UTS2: variants seen among roughly 807,000 people sequenced by gnomAD.
The protein encoded by UTS2 is urotensin-2.
Under a neutral mutation model 12.6 loss-of-function variants are expected in UTS2, and 10 were observed. The observed-to-expected ratio is 0.80, with a 90% CI of 0.49 to 1.35. UTS2 has a LOEUF of 1.35. Among genes scored for constraint, UTS2 ranks in the 40% most tolerant of loss-of-function variants. UTS2 has a pLI of 0.00. For synonymous variants in UTS2, 52 were observed against 50.0 expected (o/e 1.04, Z -0.17); for missense variants, 142 against 143.2 (o/e 0.99, Z 0.04).
the UTS2 span, among the ~76,000 whole-genome samples, chr1:7,891,979 G>A: frequency 2.6e-5 from 4 of 152,126 alleles, no homozygotes; most frequent in East Asian, 1.9e-4. Flanking sequence ...AGTTTCACAC[G>A]TGTATACACA....
At chr1:7,869,014 G>T in the UTS2 span, among the ~76,000 whole-genome samples, 2 of 152,312 alleles carry the variant, frequency 1.3e-5, no homozygotes, top group Middle Eastern at 3.4e-3. Context: ...TGTGAGAAAT[G>T]AATGTCTGTT....
chr1:7,860,990 C>T, the UTS2 span, among the ~76,000 whole-genome samples: 1 of 144,886 alleles, frequency 6.9e-6, no homozygotes, highest in Admixed American at 7.2e-5. Context: ...TGCACTGAGC[C>T]GAGATCACAC....
chr1:7,880,103 T>TA, the UTS2 span, among the ~76,000 whole-genome samples: 2 of 151,246 alleles, frequency 1.3e-5, 1 homozygote, highest in South Asian at 4.2e-4. Flanking sequence ...TAAAAAATTC[T>TA]AAAAAATAGG....
At chr1:7,849,532 G>T (rs909260455) in intron 3 of UTS2, 108 bp downstream of exon 3, 1 of 1,004,454 alleles carries the variant, frequency 1.0e-6, no homozygotes, top group Non-Finnish European at 1.5e-6. Flanking sequence ...TTATTTTAAG[G>T]TGTGGTTTCC....
chr1:7,849,553 C>T (rs919248850), intron 3 of UTS2, 87 bp downstream of exon 3: 25 of 1,213,792 alleles, frequency 2.1e-5, no homozygotes, highest in Non-Finnish European at 2.8e-5. Context: ...ACCAAGAACA[C>T]TCCTCTAGTT....
At chr1:7,891,743 AT>A in the UTS2 span, among the ~76,000 whole-genome samples, 1 of 152,116 alleles carries the variant, frequency 6.6e-6, no homozygotes, top group Non-Finnish European at 1.5e-5. Context: ...AACATGTACA[AT>A]TTTTGTCAAT....
At chr1:7,857,545 A>AT (rs982539031), upstream of UTS2, among the ~76,000 whole-genome samples, 1 of 151,448 alleles carries the variant, frequency 6.6e-6, no homozygotes. Flanking sequence ...AAATAAAGGG[A>AT]TTTTTTTCTT....
the UTS2 span, among the ~76,000 whole-genome samples, chr1:7,863,032 T>TGTATTGTATTGTA: frequency 3.7e-5 from 1 of 27,080 alleles, no homozygotes; most frequent in Non-Finnish European, 9.7e-5. Context: ...TGTATTGTAT[T>TGTATTGTATTGTA]GTATTGTATT....
the UTS2 span, among the ~76,000 whole-genome samples, chr1:7,892,372 C>T: frequency 1.3e-5 from 2 of 151,826 alleles, no homozygotes; most frequent in Admixed American, 1.3e-4. Context: ...GGGCCGCCTG[C>T]ATTCGTGGGC....
At chr1:7,855,064 G>A (rs888959322), upstream of UTS2, among the ~76,000 whole-genome samples, 2 of 151,862 alleles carry the variant, frequency 1.3e-5, no homozygotes, top group Non-Finnish European at 2.9e-5. Context: ...GGGAGGCTGA[G>A]GCAGGAGAAT....
the UTS2 span, among the ~76,000 whole-genome samples, chr1:7,898,654 T>A: frequency 3.0e-4 from 45 of 151,954 alleles, no homozygotes; most frequent in African/African-American, 8.9e-4. Context: ...TTTTTTGTAT[T>A]TTTTAGTAGA....
At chr1:7,912,447 C>T in the UTS2 span, among the ~76,000 whole-genome samples, 1 of 124,254 alleles carries the variant, frequency 8.0e-6, no homozygotes, top group Non-Finnish European at 1.9e-5. Flanking sequence ...ACACGCAAAT[C>T]CCCCTTTTCT....
At chr1:7,889,519 A>T in the UTS2 span, among the ~76,000 whole-genome samples, 2 of 151,568 alleles carry the variant, frequency 1.3e-5, no homozygotes, top group Non-Finnish European at 2.9e-5. Context: ...TATGAGAAAG[A>T]TCCGGCCAGG....
chr1:7,853,337 G>C, upstream of UTS2: 1 of 1,614,118 alleles, frequency 6.2e-7, no homozygotes, highest in Non-Finnish European at 8.5e-7. Flanking sequence ...AGGAAGGCTT[G>C]GATATGAGTT....
At chr1:7,893,943 G>A in the UTS2 span, among the ~76,000 whole-genome samples, 1 of 152,298 alleles carries the variant, frequency 6.6e-6, no homozygotes, top group East Asian at 1.9e-4. Context: ...ACCGTAGAGT[G>A]AGTCAGAGGC....
At chr1:7,906,520 G>A in the UTS2 span, among the ~76,000 whole-genome samples, 1 of 102,404 alleles carries the variant, frequency 9.8e-6, no homozygotes, top group Non-Finnish European at 2.2e-5. Flanking sequence ...AAGAGGGAGG[G>A]AGGGAGGGGA....
the UTS2 span, among the ~76,000 whole-genome samples, chr1:7,884,951 A>G: frequency 6.8e-6 from 1 of 146,752 alleles, no homozygotes; most frequent in Non-Finnish European, 1.5e-5. Context: ...TCATCCATCC[A>G]TCCATCCATA....
the UTS2 span, among the ~76,000 whole-genome samples, chr1:7,864,664 T>C: frequency 6.6e-6 from 1 of 152,226 alleles, no homozygotes; most frequent in Non-Finnish European, 1.5e-5. Context: ...AATCATGTAC[T>C]GTCCCCCTAA....
chr1:7,856,313 C>A (rs759379946), upstream of UTS2, among the ~76,000 whole-genome samples: 76 of 152,208 alleles, frequency 5.0e-4, no homozygotes, highest in Non-Finnish European at 9.6e-4. Context: ...CATTAACATA[C>A]GCTGTAGGAA....
Sources: allele counts gnomAD v4.1 joint callset (sites outside exome capture counted in the v4.1 genomes callset), GRCh38; gene constraint gnomAD v4.1.1; transcripts MANE v1.5; gene names NCBI Gene and HGNC (gene_info 2026-07-23, HGNC 2026-07-21).